Variants in SPDL1 observed in about 807,000 individuals in gnomAD.
SPDL1 encodes the protein protein Spindly.
In SPDL1, 85 loss-of-function variants were observed where a neutral mutation model predicts 79.5. That is an observed-to-expected ratio of 1.07 (90% CI 0.90 to 1.28). The LOEUF (loss-of-function observed/expected upper bound fraction) is 1.28, where lower values mean the gene tolerates loss of function less well. SPDL1 is among the 50% of genes most tolerant of loss of function. The probability of loss-of-function intolerance (pLI) is 0.00; values close to 1 mark genes in which losing one functional copy is unlikely to be tolerated. For synonymous variants in SPDL1, 269 were observed against 240.3 expected (o/e 1.12, Z -1.10); for missense variants, 703 against 697.8 (o/e 1.01, Z -0.08).
chr5:169,591,293 A>T (rs1561869156), intron 3 of SPDL1, 69 bp downstream of exon 3: 1 of 1,506,824 alleles, frequency 6.6e-7, no homozygotes. Flanking sequence ...ACTTTAGATG[A>T]TAAAGATTTT....
Position 169,594,251 on chromosome 5 carries a change from A to G in SPDL1, c.638A>G (p.Glu213Gly). 1 of 1,614,102 alleles carries G rather than the reference A, an allele frequency of 6.2e-7. No homozygotes were observed. Residue 213 changes from glutamate to glycine, a missense_variant, in exon 5 of 12, where the codon GAG (glutamate) becomes GGG (glycine). By Grantham distance (98) the Glu-to-Gly change is moderately conservative. Transcript: ENST00000265295. ...GTAGACCGGCTTAAAGAGGAAAAAG[A>G]GGAGCGAGAGAAAGAAGCAGTTTCT... ...RQVDRLKEEK[E>G]EREKEAVSYY... is the part of the protein sequence containing the mutation.
In SPDL1 at chr5:169,604,042, A is replaced by T. The variant is rs1457262940; in HGVS notation, c.1671-18A>T. ...ATAACCACATTTGAATTCAGAGTGG[A>T]TGCTTTAATGCCTGTAGGTTAGCTG... On this transcript the variant is annotated intron_variant, in intron 11 of 11. Transcript: ENST00000265295. The T allele has an allele frequency of 3.8e-6, 6 of 1,596,282 alleles. No individual in the cohort carries two copies. The highest frequency in any genetic ancestry group is 1.4e-5 in the African/African-American group (1 of 73,662).
At chr5:169,592,983 C>T (rs558063346) in intron 3 of SPDL1, among the ~76,000 whole-genome samples, 23 of 152,082 alleles carry the variant, frequency 1.5e-4, no homozygotes, top group Admixed American at 5.2e-4. Context: ...ACATCTATGA[C>T]GCTACTGCCA....
Position 169,598,588 on chromosome 5 carries a change from C to T in SPDL1, c.1136+9C>T. 5 of 1,584,136 alleles carry T rather than the reference C, an allele frequency of 3.2e-6. No individual in the cohort carries two copies. The highest frequency in any genetic ancestry group is 4.3e-6 in the Non-Finnish European group (5 of 1,153,178). ...AAGCTGGATAACTTAAAGTAAGTGT[C>T]TGGGTTGGTGGATGGAAAGATGAAC... On this transcript the variant is annotated intron_variant, in intron 9 of 11. Coordinates refer to ENST00000265295, the MANE Select transcript of SPDL1 (RefSeq NM_017785.5).
intron 2 of SPDL1, among the ~76,000 whole-genome samples, chr5:169,589,335 G>T (rs530009140): frequency 6.6e-6 from 1 of 152,090 alleles, no homozygotes; most frequent in African/African-American, 2.4e-5. Context: ...TTCACTCAGC[G>T]TCTAAGTGGT....
chr5:169,585,926 A>G (rs2113311900), intron 1 of SPDL1: 1 of 152,368 alleles, frequency 6.6e-6, no homozygotes, highest in African/African-American at 2.4e-5. Flanking sequence ...CAGTCTCTAC[A>G]TTAAACTTCA....
At chr5:169,593,597 G>T in intron 4 of SPDL1, 49 bp downstream of exon 4, 1 of 1,493,740 alleles carries the variant, frequency 6.7e-7, no homozygotes. Flanking sequence ...TTTTTTTCTG[G>T]CATATTTTTA....
At chr5:169,593,205 A>T in intron 3 of SPDL1, 149 bp from the exon 4 acceptor site, 1 of 644,554 alleles carries the variant, frequency 1.6e-6, no homozygotes, top group East Asian at 2.8e-5. Flanking sequence ...AAGGTGTGTC[A>T]CTAGCTGTTA....
intron 7 of SPDL1, 142 bp from the exon 8 acceptor site, chr5:169,596,419 T>G (rs1296750824): frequency 3.1e-6 from 2 of 651,388 alleles, no homozygotes; most frequent in African/African-American, 3.8e-5. Context: ...AAAAAATTTA[T>G]TATTAGATTA....
chr5:169,589,814 A>G (rs2431712), intron 2 of SPDL1, among the ~76,000 whole-genome samples: 101,600 of 151,430 alleles, frequency 0.67, 34,212 homozygotes, highest in East Asian at 0.73. Flanking sequence ...AGATTCTCCT[A>G]CCTCAGCCTT....
rs144060585 is a variant in SPDL1 at position 169,594,161 on chromosome 5, A to T, written c.548A>T (p.Glu183Val). 1.9e-6 allele frequency: 3 copies of T among 1,604,632 alleles called. No individual in the cohort carries two copies. Among genetic ancestry groups the T allele is most frequent in the African/African-American group, 2.7e-5 (2 of 74,202 alleles). Residue 183 changes from glutamate to valine, a missense_variant, in exon 5 of 12, where the codon GAA becomes GTA. Coordinates refer to ENST00000265295, the MANE Select transcript of SPDL1 (RefSeq NM_017785.5). ...GTTAAATAGACCACCCTCAAAGAAG[A>T]AGTGAATGAACTACAATACAGACAA... ...MESMKTTLKE[E>V]VNELQYRQEQ...
intron 4 of SPDL1, 134 bp downstream of exon 4, chr5:169,593,682 T>A (rs1407484349): frequency 6.1e-6 from 5 of 821,752 alleles, no homozygotes; most frequent in Middle Eastern, 2.9e-4. Context: ...ATCTAACTAA[T>A]TAAAAAATGG....
intron 3 of SPDL1, 105 bp from the exon 4 acceptor site, chr5:169,593,249 C>A: frequency 1.0e-6 from 1 of 1,002,282 alleles, no homozygotes. Context: ...TAGGAAACTC[C>A]AATAGTATCA....
intron 10 of SPDL1, among the ~76,000 whole-genome samples, chr5:169,600,620 A>G (rs1043918537): frequency 1.3e-5 from 2 of 152,218 alleles, no homozygotes; most frequent in Non-Finnish European, 2.9e-5. Context: ...GGCTGTGTTT[A>G]TGACCTGTTT....
rs1358647036 is a variant in SPDL1, at chr5:169,601,439, A to C, written c.1484A>C (p.Glu495Ala). Residue 495 changes from glutamate to alanine, a missense_variant, in exon 11 of 12, where the codon GAA becomes GCA. Physicochemically the swap from Glu to Ala is moderately radical, Grantham distance 107 (BLOSUM62 -1). Coordinates refer to ENST00000265295, the MANE Select transcript of SPDL1 (RefSeq NM_017785.5). ...EETQSCPNSL[E>A]DNNLQLEKSV... ...ACACAGTCCTGCCCTAACAGTTTAG[A>C]AGATAACAACTTGCAATTAGAAAAA... 2 of 1,614,100 alleles carry C rather than the reference A, an allele frequency of 1.2e-6. No individual in the cohort carries two copies. The highest frequency in any genetic ancestry group is 2.7e-5 in the African/African-American group (2 of 74,938).
intron 10 of SPDL1, among the ~76,000 whole-genome samples, chr5:169,599,427 C>A (rs1044310826): frequency 5.3e-5 from 8 of 152,102 alleles, no homozygotes; most frequent in African/African-American, 1.9e-4. Flanking sequence ...TTGAGACTTT[C>A]CCATTTTAAG....
In SPDL1 at chr5:169,588,399, TAAAAAAAAGA is replaced by T. The variant is rs758958133; in HGVS notation, c.-14_-5del. On this transcript the variant is annotated 5_prime_UTR_variant, in exon 2 of 12. Transcript: ENST00000265295. The stretch of plus-strand genomic sequence containing the variant: ...TTTATTTCCTCTATTTACAGTTGGC[TAAAAAAAAGA>T]AAAGAACATGGAGGCAGATATAATC... 1 of 1,584,888 alleles carries T rather than the reference TAAAAAAAAGA, an allele frequency of 6.3e-7. No homozygotes were observed. Among genetic ancestry groups the T allele is most frequent in the East Asian group, 2.2e-5 (1 of 44,498 alleles).
rs187640420 is a variant in SPDL1 at position 169,601,458 on chromosome 5, A to G, written c.1503A>G (p.Leu501=). Residue 501 remains leucine, a synonymous_variant, in exon 11 of 12, where the codon TTA becomes TTG. Transcript: ENST00000265295. Reference sequence around the variant, plus strand: ...GTTTAGAAGATAACAACTTGCAATTAGAAAAATCAGTTTCTATATACACAC... The same window carrying G: ...GTTTAGAAGATAACAACTTGCAATTGGAAAAATCAGTTTCTATATACACAC... The part of the protein sequence containing the change: ...PNSLEDNNLQ[L]EKSVSIYTPV... The G allele has an allele frequency of 1.2e-5, 19 of 1,614,196 alleles. No individual in the cohort carries two copies. In the East Asian group the frequency reaches 2.7e-4, roughly 23 times the overall value.
intron 2 of SPDL1, among the ~76,000 whole-genome samples, chr5:169,590,210 G>A (rs957119731): frequency 6.6e-6 from 1 of 152,166 alleles, no homozygotes; most frequent in African/African-American, 2.4e-5. Context: ...AAAAATATCT[G>A]TAGCAGGTAA....
Sources: allele counts gnomAD v4.1 joint callset (sites outside exome capture counted in the v4.1 genomes callset), GRCh38; gene constraint gnomAD v4.1.1; transcripts MANE v1.5; gene names NCBI Gene and HGNC (gene_info 2026-07-23, HGNC 2026-07-21).